Variants in GSTA2 observed in about 807,000 individuals in gnomAD.
GSTA2 encodes glutathione S-transferase alpha 2.
Under a neutral mutation model 22.4 loss-of-function variants are expected in GSTA2, and 27 were observed. The ratio of observed to expected loss-of-function variants is 1.21; its 90% CI spans 0.89 to 1.67. GSTA2 has a LOEUF of 1.67. Among genes scored for constraint, GSTA2 ranks in the 40% most tolerant of loss-of-function variants. GSTA2 has a pLI of 0.00. For missense variants in GSTA2, 302 were observed against 260.2 expected, an observed-to-expected ratio of 1.16 and a Z score of -1.11; for synonymous variants, 121 against 86.8, an observed-to-expected ratio of 1.39 and a Z score of -2.19.
chr6:52,758,677 T>C (rs1403475979), intron 1 of GSTA2, among the ~76,000 whole-genome samples: 1 of 152,226 alleles, frequency 6.6e-6, no homozygotes. Flanking sequence ...AGCTAGAAGA[T>C]CCAAATTCTT....
intron 3 of GSTA2, among the ~76,000 whole-genome samples, chr6:52,755,407 T>A (rs1245848609): frequency 2.0e-5 from 3 of 152,068 alleles, no homozygotes; most frequent in Non-Finnish European, 4.4e-5. Flanking sequence ...AGAGATGGTG[T>A]CTCACCATGT....
At chr6:52,751,759 A>G (rs2127284735) in intron 5 of GSTA2, 51 bp from the exon 6 acceptor site, 2 of 1,613,262 alleles carry the variant, frequency 1.2e-6, no homozygotes, top group South Asian at 2.2e-5. Context: ...CCAGGCTGGG[A>G]CCCCTGCTTC....
rs766836225 is a variant in GSTA2, at chr6:52,751,634, A to T, written c.489T>A (p.Leu163=). Residue 163 remains leucine (L), a synonymous_variant, in exon 6 of 7, where the codon CTT becomes CTA. Transcript: ENST00000493422. ...LSRADIHLVE[L]LYYVEELDSS... ...AGTCAAGCTCTTCCACGTAGTAGAG[A>T]AGTTCCACCAGGTGAATGTCAGCCC... The T allele has an allele frequency of 6.8e-6, 11 of 1,614,112 alleles. No individual in the cohort carries two copies. The South Asian group carries it at 1.2e-4, about 18-fold the overall frequency.
intron 1 of GSTA2, among the ~76,000 whole-genome samples, chr6:52,762,071 TA>T (rs1221068029): frequency 1.5e-4 from 23 of 152,182 alleles, no homozygotes. Flanking sequence ...GTATGCTTGT[TA>T]AAAGTCATCA....
At position 52,750,488 on chromosome 6, in the gene GSTA2, G is replaced by C. The variant is rs1762714912; in HGVS notation, c.*89C>G. On this transcript the variant is annotated 3_prime_UTR_variant, in exon 7 of 7. Coordinates refer to ENST00000493422, the MANE Select transcript of GSTA2 (RefSeq NM_000846.5). ...GAAAGAGTTCATTAGCTTCACAACA[G>C]GCACAATCAACACTTAGGTAAAGCA... 3 of 1,248,444 alleles carry C rather than the reference G, an allele frequency of 2.4e-6. No individual in the cohort carries two copies. The South Asian group carries it at 4.0e-5, about 17-fold the overall frequency. 77.3% of individuals were successfully genotyped at this position (1,248,444 alleles called of 1,614,324 possible).
intron 4 of GSTA2, among the ~76,000 whole-genome samples, 188 bp downstream of exon 4, chr6:52,754,755 G>T (rs1251769992): frequency 6.6e-6 from 1 of 152,004 alleles, no homozygotes; most frequent in Non-Finnish European, 1.5e-5. Context: ...AATCACCCTC[G>T]CCTGAACCCT....
chr6:52,761,828 T>A (rs1434835947), intron 1 of GSTA2, among the ~76,000 whole-genome samples: 1 of 150,484 alleles, frequency 6.6e-6, no homozygotes, highest in Non-Finnish European at 1.5e-5. Flanking sequence ...AGGGCAGGGA[T>A]GTGTGGGGAA....
intron 6 of GSTA2, among the ~76,000 whole-genome samples, chr6:52,751,038 G>A (rs1355993380): frequency 1.3e-5 from 2 of 152,162 alleles, no homozygotes; most frequent in Non-Finnish European, 1.5e-5. Flanking sequence ...AAGCAGAAGT[G>A]AAAATATGGG....
At chr6:52,760,084 A>T (rs1762928305) in intron 1 of GSTA2, among the ~76,000 whole-genome samples, 1 of 152,186 alleles carries the variant, frequency 6.6e-6, no homozygotes, top group African/African-American at 2.4e-5. Flanking sequence ...CCAGGAGTAA[A>T]TTAAAGTAAC....
At chr6:52,751,757 G>A (rs750234703) in intron 5 of GSTA2, 49 bp from the exon 6 acceptor site, 2 of 1,613,376 alleles carry the variant, frequency 1.2e-6, no homozygotes. Context: ...ACCCAGGCTG[G>A]GACCCCTGCT....
intron 3 of GSTA2, among the ~76,000 whole-genome samples, chr6:52,755,993 C>A (rs1762834929): frequency 6.6e-6 from 1 of 152,184 alleles, no homozygotes; most frequent in South Asian, 2.1e-4. Context: ...TCACAGTACC[C>A]CAAGCATGAA....
chr6:52,757,256 A>G (rs1256075236), intron 2 of GSTA2, among the ~76,000 whole-genome samples: 1 of 109,986 alleles, frequency 9.1e-6, no homozygotes, highest in Non-Finnish European at 1.8e-5. Context: ...ATGCATTTTT[A>G]TTTTTTTATT....
chr6:52,761,819 G>C (rs1478630488), intron 1 of GSTA2, among the ~76,000 whole-genome samples: 3 of 150,616 alleles, frequency 2.0e-5, no homozygotes, highest in African/African-American at 7.2e-5. Context: ...GATAGGTAGA[G>C]GGCAGGGATG....
At position 52,750,471 on chromosome 6, in the gene GSTA2, T is replaced by A; in HGVS notation, c.*106A>T. ...TAATTAGCATATAATTTGAAAGAGT[T>A]CATTAGCTTCACAACAGGCACAATC... On this transcript the variant is annotated 3_prime_UTR_variant, in exon 7 of 7. Coordinates refer to ENST00000493422, the MANE Select transcript of GSTA2 (RefSeq NM_000846.5). The A allele has an allele frequency of 1.9e-6, 2 of 1,039,186 alleles. No homozygotes were observed. The highest frequency in any genetic ancestry group is 2.2e-5 in the Admixed American group (1 of 45,512). 64.4% of individuals were successfully genotyped at this position (1,039,186 alleles called of 1,614,324 possible).
intron 1 of GSTA2, among the ~76,000 whole-genome samples, chr6:52,760,914 A>C (rs764734487): frequency 1.3e-5 from 2 of 152,178 alleles, no homozygotes; most frequent in Non-Finnish European, 2.9e-5. Flanking sequence ...ATCAATTAAA[A>C]AATGGGCTTG....
chr6:52,753,741 C>T (rs1010055887), intron 4 of GSTA2, among the ~76,000 whole-genome samples: 1 of 152,172 alleles, frequency 6.6e-6, no homozygotes, highest in African/African-American at 2.4e-5. Context: ...CTATAATTGC[C>T]ACCTCTTATG....
rs367642534 is a variant in GSTA2, at chr6:52,752,842, A to T, written c.414+12T>A. The T allele has an allele frequency of 2.3e-5, 37 of 1,613,570 alleles. No homozygotes were observed. The Middle Eastern group carries it at 8.3e-4, about 36-fold the overall frequency. ...AACTCAGTTCCCCAAAACACTGAAC[A>T]GCTTCACTTACTTTTTCAAAGGCAG... On this transcript the variant is annotated intron_variant, in intron 5 of 6. Coordinates refer to ENST00000493422, the MANE Select transcript of GSTA2 (RefSeq NM_000846.5).
chr6:52,750,090 T>G lies in GSTA2; in HGVS notation c.*487A>C, dbSNP rs776571565. Reference sequence around the variant, plus strand: ...GAATCCACAGCAGACAGAATCGTTGTTTTGCAAATGCATTAGAAAGAATGC... The same window carrying G: ...GAATCCACAGCAGACAGAATCGTTGGTTTGCAAATGCATTAGAAAGAATGC... On this transcript the variant is annotated 3_prime_UTR_variant, in exon 7 of 7. Coordinates refer to ENST00000493422, the MANE Select transcript of GSTA2 (RefSeq NM_000846.5). The G allele has an allele frequency of 6.4e-6, 1 of 156,256 alleles. No individual in the cohort carries two copies. Among genetic ancestry groups the G allele is most frequent in the Non-Finnish European group, 1.4e-5 (1 of 70,680 alleles). The allele number at this position is 156,256 out of a possible 1,614,324, so 9.7% of individuals were successfully genotyped here.
At chr6:52,763,400 A>C (rs1762985889) in intron 1 of GSTA2, 44 bp downstream of exon 1, 1 of 178,790 alleles carries the variant, frequency 5.6e-6, no homozygotes. Flanking sequence ...GCTAGAGAGG[A>C]GGGTGTGAGG....
Sources: gnomAD v4.1 joint callset for allele counts (sites outside exome capture counted in the v4.1 genomes callset) on GRCh38, gnomAD v4.1.1 for gene constraint, MANE v1.5 for transcripts, NCBI Gene and HGNC (gene_info 2026-07-23, HGNC 2026-07-21) for gene names.